TRIM49: variants seen among roughly 807,000 people sequenced by gnomAD.
TRIM49 encodes the protein tripartite motif-containing protein 49.
TRIM49 carries 5 observed loss-of-function variants against 27.4 expected under a neutral mutation model. The ratio of observed to expected loss-of-function variants is 0.18; its 90% CI spans 0.10 to 0.38. The LOEUF (loss-of-function observed/expected upper bound fraction) is 0.38, where lower values mean the gene tolerates loss of function less well. Among genes scored for constraint, TRIM49 ranks in the 10% least tolerant of loss-of-function variants. TRIM49 has a pLI of 1.00. For synonymous variants in TRIM49, 69 were observed against 166.0 expected (o/e 0.42, Z 4.49); for missense variants, 188 against 487.5 (o/e 0.39, Z 5.79).
At chr11:89,775,803 T>C in the TRIM49 span, among the ~76,000 whole-genome samples, 1 of 146,822 alleles carries the variant, frequency 6.8e-6, no homozygotes, top group African/African-American at 2.7e-5. Flanking sequence ...TAATGGTTGA[T>C]AATTTTAGGA....
rs1949718457 is a variant in TRIM49 at position 89,799,701 on chromosome 11, TGG to T, written c.859+13_859+14del. On this transcript the variant is annotated intron_variant, in intron 7 of 7. Coordinates refer to ENST00000329758, the MANE Select transcript of TRIM49 (RefSeq NM_020358.2). ...ATTTAGATAGTGGGAGTGCTGCCTG[TGG>T]GTGGAGACTTACCTCGGAATTGGTT... The T allele has an allele frequency of 2.0e-6, 2 of 988,116 alleles. No homozygotes were observed. The highest frequency in any genetic ancestry group is 3.9e-5 in the African/African-American group (2 of 51,148). The allele number at this position is 988,116 out of a possible 1,614,324, so 61.2% of individuals were successfully genotyped here.
intron 2 of TRIM49, among the ~76,000 whole-genome samples, chr11:89,806,261 C>A (rs143313390): frequency 3.3e-5 from 5 of 150,908 alleles, no homozygotes; most frequent in Non-Finnish European, 5.9e-5. Context: ...TTATGGGACC[C>A]CCATATGTGG....
the TRIM49 span, among the ~76,000 whole-genome samples, chr11:89,776,694 T>G: frequency 6.6e-6 from 1 of 152,218 alleles, no homozygotes; most frequent in Middle Eastern, 3.4e-3. Context: ...TTACGTTACA[T>G]GCAAATCCCA....
chr11:89,787,132 G>C, the TRIM49 span: 1 of 186,602 alleles, frequency 5.4e-6, no homozygotes, highest in African/African-American at 2.7e-5. Context: ...CGCTCCACGA[G>C]AGGGCGCAGA....
At chr11:89,790,493 A>AC in the TRIM49 span, among the ~76,000 whole-genome samples, 16 of 151,806 alleles carry the variant, frequency 1.1e-4, no homozygotes, top group African/African-American at 3.6e-4. Flanking sequence ...ACCAGGAGGC[A>AC]CCCCCCAGTA....
chr11:89,781,861 TATA>T, the TRIM49 span: 1 of 1,276,718 alleles, frequency 7.8e-7, no homozygotes, highest in Non-Finnish European at 1.1e-6. Flanking sequence ...CACTCACTAA[TATA>T]ATATTTTTTT....
At chr11:89,800,355 T>C (rs1420937366) in intron 6 of TRIM49, among the ~76,000 whole-genome samples, 1 of 151,644 alleles carries the variant, frequency 6.6e-6, no homozygotes, top group African/African-American at 2.4e-5. Flanking sequence ...ACTGCTAAAA[T>C]ACTTCCTCCT....
Position 89,804,344 on chromosome 11 carries a change from G to T in TRIM49, c.126C>A (p.Asn42Lys), listed in dbSNP as rs906647817. 2 of 1,611,578 alleles carry T rather than the reference G, an allele frequency of 1.2e-6. No individual in the cohort carries two copies. The highest frequency in any genetic ancestry group is 1.7e-6 in the Non-Finnish European group (2 of 1,179,148). ...HSFCRPCFYL[N>K]WQDIPFLVQC... The stretch of plus-strand genomic sequence containing the variant: ...GGACAAGAAATGGGATGTCTTGCCA[G>T]TTGAGGTAGAAACAAGGCCTGCAAA... The change falls in exon 3 of 8, where the codon AAC becomes AAA. Residue 42 changes from asparagine (N) to lysine (K), a missense_variant. Asn to Lys is a moderately conservative substitution (Grantham distance 94). This residue lies in a region of TRIM49 where 37 missense variants were observed against 52.4 expected (regional missense o/e 0.71). Coordinates refer to ENST00000329758, the MANE Select transcript of TRIM49 (RefSeq NM_020358.2).
chr11:89,796,452 T>G (rs1949689848), downstream of TRIM49, among the ~76,000 whole-genome samples: 3 of 135,350 alleles, frequency 2.2e-5, 1 homozygote, highest in African/African-American at 9.8e-5. Flanking sequence ...CCTCCACTGG[T>G]CTGGAACTCC....
intron 4 of TRIM49, 145 bp downstream of exon 4, chr11:89,803,553 G>T: frequency 1.3e-6 from 2 of 1,483,402 alleles, no homozygotes; most frequent in Non-Finnish European, 1.8e-6. Flanking sequence ...TAAAAATGAG[G>T]CCACTTTTTC....
chr11:89,784,697 C>T, the TRIM49 span, among the ~76,000 whole-genome samples: 1 of 143,292 alleles, frequency 7.0e-6, no homozygotes, highest in Admixed American at 6.8e-5. Context: ...GTCAATGCCT[C>T]ATAATGTAAT....
At chr11:89,768,703 C>T in the TRIM49 span, 4 of 450,364 alleles carry the variant, frequency 8.9e-6, no homozygotes, top group Non-Finnish European at 1.7e-5. Flanking sequence ...CACACAATCA[C>T]ATTGACACAT....
intron 2 of TRIM49, among the ~76,000 whole-genome samples, chr11:89,804,862 C>T (rs689064): frequency 2.0e-5 from 3 of 151,112 alleles, no homozygotes; most frequent in South Asian, 4.2e-4. Flanking sequence ...GAAAAAACTA[C>T]CCGGGCCAAA....
chr11:89,802,638 CAT>C (rs1223343607), intron 4 of TRIM49, among the ~76,000 whole-genome samples: 47 of 151,146 alleles, frequency 3.1e-4, no homozygotes, highest in African/African-American at 1.1e-3. Flanking sequence ...CACATACATA[CAT>C]ATACACACTC....
At chr11:89,796,588 G>C (rs1458258682), downstream of TRIM49, among the ~76,000 whole-genome samples, 6 of 147,514 alleles carry the variant, frequency 4.1e-5, no homozygotes, top group African/African-American at 1.5e-4. Flanking sequence ...GGTCTTAAAA[G>C]TTATAATTCC....
At chr11:89,802,503 A>G (rs1232011601) in intron 4 of TRIM49, among the ~76,000 whole-genome samples, 2 of 150,966 alleles carry the variant, frequency 1.3e-5, no homozygotes, top group African/African-American at 4.9e-5. Context: ...CCGGCCTCCA[A>G]ATATACACAA....
At chr11:89,793,663 G>A (rs1949670191), downstream of TRIM49, among the ~76,000 whole-genome samples, 1 of 151,934 alleles carries the variant, frequency 6.6e-6, no homozygotes, top group South Asian at 2.1e-4. Context: ...TGCAGAAAAG[G>A]CCTTTGACAA....
chr11:89,768,564 C>G, the TRIM49 span, among the ~76,000 whole-genome samples: 103 of 135,912 alleles, frequency 7.6e-4, 26 homozygotes, highest in African/African-American at 3.2e-3. Context: ...ATTCTAGCAA[C>G]TTCTGCATTG....
chr11:89,804,392 G>C lies in TRIM49; in HGVS notation c.78C>G (p.Val26=), dbSNP rs146142532. Residue 26 remains valine (V), a synonymous_variant, in exon 3 of 8, where the codon GTC becomes GTG. Coordinates refer to ENST00000329758, the MANE Select transcript of TRIM49 (RefSeq NM_020358.2). ...AAAAGCTGTGCCCACAGTCTATGGTGACCGGGTCTATGAAGTAGTTCATGC... is the reference window on the plus strand; with the variant it reads ...AAAAGCTGTGCCCACAGTCTATGGTCACCGGGTCTATGAAGTAGTTCATGC... ...PLCMNYFIDP[V]TIDCGHSFCR... 6.2e-7 allele frequency: 1 copy of C among 1,609,762 alleles called. No individual in the cohort carries two copies. Among genetic ancestry groups the C allele is most frequent in the African/African-American group, 1.4e-5 (1 of 72,986 alleles).
Sources: gnomAD v4.1 joint callset for allele counts (sites outside exome capture counted in the v4.1 genomes callset) on GRCh38, gnomAD v4.1.1 for gene constraint, gnomAD v4.1.1 regional missense constraint, MANE v1.5 for transcripts, NCBI Gene and HGNC (gene_info 2026-07-23, HGNC 2026-07-21) for gene names.